PCDHGA7: variants seen among roughly 807,000 people sequenced by gnomAD.
The protein encoded by PCDHGA7 is protocadherin gamma-A7.
Under a neutral mutation model 58.3 loss-of-function variants are expected in PCDHGA7, and 44 were observed. The ratio of observed to expected loss-of-function variants is 0.75; its 90% CI spans 0.59 to 0.97. PCDHGA7 has a LOEUF of 0.97. Ranked by LOEUF, PCDHGA7 falls within the 50% of genes least tolerant of loss-of-function variation. The pLI is 0.00. For synonymous variants in PCDHGA7, 516 were observed against 504.2 expected, an observed-to-expected ratio of 1.02 and a Z score of -0.31; for missense variants, 1,266 against 1,188.7, an observed-to-expected ratio of 1.06 and a Z score of -0.96.
At chr5:141,455,690 C>T (rs1209152869) in intron 1 of PCDHGA7, among the ~76,000 whole-genome samples, 1 of 152,064 alleles carries the variant, frequency 6.6e-6, no homozygotes, top group Non-Finnish European at 1.5e-5. Context: ...CTGTGGGAAT[C>T]GCCAAGTTGA....
intron 1 of PCDHGA7, chr5:141,409,242 T>C (rs372196346): frequency 1.4e-5 from 22 of 1,613,864 alleles, no homozygotes; most frequent in Middle Eastern, 1.6e-4. Context: ...AGCCCAGAAA[T>C]AATCATCACT....
At chr5:141,473,228 A>T (rs549587219) in intron 1 of PCDHGA7, among the ~76,000 whole-genome samples, 1 of 152,296 alleles carries the variant, frequency 6.6e-6, no homozygotes, top group African/African-American at 2.4e-5. Context: ...GGGAGATTGG[A>T]TCCACACAAG....
intron 1 of PCDHGA7, chr5:141,422,289 T>A: frequency 1.3e-6 from 2 of 1,553,678 alleles, no homozygotes; most frequent in Non-Finnish European, 1.7e-6. Context: ...CCTCTTCTAT[T>A]AATTCAATTC....
intron 1 of PCDHGA7, chr5:141,392,725 A>G: frequency 7.1e-7 from 1 of 1,399,540 alleles, no homozygotes; most frequent in South Asian, 1.6e-5. Flanking sequence ...TTTCCGGAGG[A>G]TTGTCATCTC....
chr5:141,413,841 T>G, intron 1 of PCDHGA7: 1 of 1,613,060 alleles, frequency 6.2e-7, no homozygotes, highest in Non-Finnish European at 8.5e-7. Context: ...CCGACGGGGG[T>G]GACCCTCTCC....
intron 1 of PCDHGA7, among the ~76,000 whole-genome samples, chr5:141,470,600 G>A (rs890975756): frequency 4.6e-5 from 7 of 152,142 alleles, no homozygotes; most frequent in South Asian, 2.1e-4. Context: ...CGACCTGTGC[G>A]GGGACACAGG....
Position 141,394,739 on chromosome 5 carries a change from C to A in PCDHGA7, c.2424+9416C>A, listed in dbSNP as rs377359689. 7.4e-6 allele frequency: 12 copies of A among 1,613,272 alleles called. No individual in the cohort carries two copies. In the African/African-American group the frequency reaches 1.2e-4, roughly 16 times the overall value. ...ACAGAGATGCGCTCAAGCAGAGCCT[C>A]GTGGTGGCCGTCCAGGACCATGGCC... On this transcript the variant is annotated intron_variant, in intron 1 of 3. Coordinates refer to ENST00000518325, the MANE Select transcript of PCDHGA7 (RefSeq NM_018920.4).
At chr5:141,488,359 T>A (rs1262194591) in intron 1 of PCDHGA7, among the ~76,000 whole-genome samples, 1 of 152,198 alleles carries the variant, frequency 6.6e-6, no homozygotes, top group Non-Finnish European at 1.5e-5. Context: ...ACCCTGTGCA[T>A]CTTTAAGTTG....
In PCDHGA7 at chr5:141,454,796, A is replaced by ATTTTTTTTTTTTTTTTTTTTT. The variant is rs61612330; in HGVS notation, c.2425-40002_2425-39982dup. Reference sequence around the variant, plus strand: ...AAGGAAATAATCCTCCATGGTTCTAATTTTTTTTTTTTTTTTTTTTTTTTT... The same window carrying ATTTTTTTTTTTTTTTTTTTTT: ...AAGGAAATAATCCTCCATGGTTCTAATTTTTTTTTTTTTTTTTTTTTTTTTTTTTTTTTTTTTTTTTTTTTT... On this transcript the variant is annotated intron_variant, in intron 1 of 3. Transcript: ENST00000518325. Among the ~76,000 whole-genome samples, 10 of 77,454 alleles carry ATTTTTTTTTTTTTTTTTTTTT rather than the reference A, an allele frequency of 1.3e-4. 1 individual carries two copies. Among genetic ancestry groups the ATTTTTTTTTTTTTTTTTTTTT allele is most frequent in the Non-Finnish European group, 1.9e-4 (8 of 42,810 alleles). The allele number at this position is 77,454 out of a possible 152,430, so 50.8% of individuals were successfully genotyped here. A position where few individuals can be genotyped will look rare whatever the true frequency, so the allele number is the denominator to read the frequency against.
chr5:141,414,908 G>A (rs758472270), intron 1 of PCDHGA7: 19 of 1,614,188 alleles, frequency 1.2e-5, no homozygotes, highest in Non-Finnish European at 1.6e-5. Flanking sequence ...GGTTCCACAG[G>A]CGTGGAGCTG....
intron 1 of PCDHGA7, chr5:141,421,647 G>C: frequency 6.2e-7 from 1 of 1,613,872 alleles, no homozygotes; most frequent in South Asian, 1.1e-5. Context: ...ACGAAGTGGA[G>C]ATAAAAGTCA....
intron 1 of PCDHGA7, among the ~76,000 whole-genome samples, chr5:141,453,310 T>C (rs566320120): frequency 6.6e-6 from 1 of 152,044 alleles, no homozygotes; most frequent in South Asian, 2.1e-4. Context: ...TTTATTTATT[T>C]ATTTTAGAGA....
In PCDHGA7 at chr5:141,490,347, G is replaced by T; in HGVS notation, c.2425-4460G>T. On this transcript the variant is annotated intron_variant, in intron 1 of 3. Coordinates refer to ENST00000518325, the MANE Select transcript of PCDHGA7 (RefSeq NM_018920.4). This position sits in a 1 kb window ranked among gnomAD's most constrained non-coding sequence, Gnocchi z 5.4. ...AGAGCACACCAGTGGGCACAGTAGT[G>T]GGGTTGTTTAATGTGCGAGACCGGG... 1 of 1,614,180 alleles carries T rather than the reference G, an allele frequency of 6.2e-7. No homozygotes were observed.
At position 141,432,025 on chromosome 5, in the gene PCDHGA7, G is replaced by C. The variant is rs768627576; in HGVS notation, c.2424+46702G>C. 2 of 1,614,158 alleles carry C rather than the reference G, an allele frequency of 1.2e-6. No homozygotes were observed. The highest frequency in any genetic ancestry group is 3.3e-4 in the Middle Eastern group (2 of 6,062). ...AGGTTCCTAGCTACAACATCACAGTGACCGCCACTGACCGGGGAACCCCGC... is the reference window on the plus strand; with the variant it reads ...AGGTTCCTAGCTACAACATCACAGTCACCGCCACTGACCGGGGAACCCCGC... On this transcript the variant is annotated intron_variant, in intron 1 of 3. Transcript: ENST00000518325. The surrounding 1 kb of genome is among the most constrained non-coding windows in gnomAD (Gnocchi z 6.0).
Position 141,489,978 on chromosome 5 carries a change from T to C in PCDHGA7, c.2425-4829T>C. 6.2e-7 allele frequency: 1 copy of C among 1,614,192 alleles called. No homozygotes were observed. Among genetic ancestry groups the C allele is most frequent in the Non-Finnish European group, 8.5e-7 (1 of 1,180,012 alleles). On this transcript the variant is annotated intron_variant, in intron 1 of 3. Coordinates refer to ENST00000518325, the MANE Select transcript of PCDHGA7 (RefSeq NM_018920.4). The surrounding 1 kb of genome is among the most constrained non-coding windows in gnomAD (Gnocchi z 4.5). ...ATGCTCCAACCTTCCAATCCTCAGT[T>C]CTACGTGTGGGAATCCCAGAGAATG...
chr5:141,469,697 T>G (rs2154570403), intron 1 of PCDHGA7, among the ~76,000 whole-genome samples: 1 of 152,392 alleles, frequency 6.6e-6, no homozygotes, highest in African/African-American at 2.4e-5. Context: ...TCCTATGACC[T>G]AGTAATCACA....
At position 141,485,069 on chromosome 5, in the gene PCDHGA7, G is replaced by A. The variant is rs1185236732; in HGVS notation, c.2425-9738G>A. 1.1e-6 allele frequency: 1 copy of A among 905,912 alleles called. No homozygotes were observed. Among genetic ancestry groups the A allele is most frequent in the Non-Finnish European group, 1.7e-6 (1 of 577,940 alleles). The allele number at this position is 905,912 out of a possible 1,614,324, so 56.1% of individuals were successfully genotyped here. A position where few individuals can be genotyped will look rare whatever the true frequency, so the allele number is the denominator to read the frequency against. On this transcript the variant is annotated intron_variant, in intron 1 of 3. Coordinates refer to ENST00000518325, the MANE Select transcript of PCDHGA7 (RefSeq NM_018920.4). This position sits in a 1 kb window ranked among gnomAD's most constrained non-coding sequence, Gnocchi z 5.7. ...GCGCCGGCCGAACCGCGCCAGAGCTGGCGCGGGGAAAGGGAGATAGGTGTC... is the reference window on the plus strand; with the variant it reads ...GCGCCGGCCGAACCGCGCCAGAGCTAGCGCGGGGAAAGGGAGATAGGTGTC...
intron 1 of PCDHGA7, chr5:141,410,392 T>C: frequency 6.2e-7 from 1 of 1,614,050 alleles, no homozygotes; most frequent in African/African-American, 1.3e-5. Flanking sequence ...TCCATCCTGG[T>C]CTCTGTGTCA....
chr5:141,410,184 A>AT, intron 1 of PCDHGA7: 1 of 1,613,918 alleles, frequency 6.2e-7, no homozygotes, highest in Non-Finnish European at 8.5e-7. Context: ...GCCACGCTTC[A>AT]TCTGGTCTTC....
Sources: gnomAD v4.1 joint callset for allele counts (sites outside exome capture counted in the v4.1 genomes callset) on GRCh38, gnomAD v4.1.1 for gene constraint, Gnocchi (gnomAD v3.1) non-coding constraint, MANE v1.5 for transcripts, NCBI Gene and HGNC (gene_info 2026-07-23, HGNC 2026-07-21) for gene names.